AUTS2: variants seen among roughly 807,000 people sequenced by gnomAD.
The protein encoded by AUTS2 is activator of transcription and developmental regulator AUTS2, also known as autism susceptibility gene 2 protein.
In AUTS2, 17 loss-of-function variants were observed where a neutral mutation model predicts 112.4. The ratio of observed to expected loss-of-function variants is 0.15; its 90% CI spans 0.10 to 0.23. AUTS2 has a LOEUF of 0.23. AUTS2 is among the 10% of genes least tolerant of loss of function. AUTS2 has a pLI of 1.00. For missense variants in AUTS2, 1,510 were observed against 1,701.6 expected (o/e 0.89, Z 1.98); for synonymous variants, 751 against 702.7 (o/e 1.07, Z -1.09).
chr7:70,130,272 C>A (rs1457581131), intron 3 of AUTS2, among the ~76,000 whole-genome samples: 1 of 152,118 alleles, frequency 6.6e-6, no homozygotes, highest in Admixed American at 6.6e-5. Context: ...GTAACAGTAG[C>A]CATGGCCTCT....
intron 4 of AUTS2, among the ~76,000 whole-genome samples, chr7:70,220,757 T>C (rs765542658): frequency 5.3e-5 from 8 of 152,172 alleles, no homozygotes; most frequent in Non-Finnish European, 7.3e-5. Context: ...ATGGCGAAAA[T>C]GTCAACCATG....
chr7:69,627,289 G>C (rs1793998174), intron 1 of AUTS2, among the ~76,000 whole-genome samples: 2 of 152,050 alleles, frequency 1.3e-5, no homozygotes, highest in African/African-American at 2.4e-5. Flanking sequence ...GTTGGGAGTT[G>C]AAAACCAGCC....
At position 70,578,110 on chromosome 7, in the gene AUTS2, G is replaced by A. The variant is rs530758013; in HGVS notation, c.691-120459G>A. On this transcript the variant is annotated intron_variant, in intron 5 of 18. Transcript: ENST00000342771. The stretch of plus-strand genomic sequence containing the variant: ...CTCTCAAAGTGCTGGGATTACAGGC[G>A]TGAGCCACCGCACCTGGCCTTTTGT... Among the ~76,000 whole-genome samples, 10 of 152,312 alleles carry A rather than the reference G, an allele frequency of 6.6e-5. No individual in the cohort carries two copies. In the South Asian group the frequency reaches 2.1e-3, roughly 32 times the overall value.
intron 2 of AUTS2, among the ~76,000 whole-genome samples, chr7:69,954,553 C>T (rs998441528): frequency 3.3e-5 from 5 of 152,224 alleles, no homozygotes; most frequent in African/African-American, 4.8e-5. Context: ...AAGTGATTCT[C>T]CTGCCTTGGC....
rs1010775731 is a variant in AUTS2, at chr7:70,338,006, G to A, written c.661-97746G>A. On this transcript the variant is annotated intron_variant, in intron 4 of 18. Transcript: ENST00000342771. ...GACCAGCTACCTCTTCTAGGATAAA[G>A]GGTTAATATTATGCTTATGTTACAG... Among the ~76,000 whole-genome samples, 9 of 152,254 alleles carry A rather than the reference G, an allele frequency of 5.9e-5. No homozygotes were observed. In the East Asian group the frequency reaches 1.7e-3, roughly 29 times the overall value.
At chr7:70,707,650 C>T (rs572104317) in intron 6 of AUTS2, among the ~76,000 whole-genome samples, 2 of 152,174 alleles carry the variant, frequency 1.3e-5, no homozygotes, top group South Asian at 4.2e-4. Context: ...AACATAAGGT[C>T]CCGGAGGTTC....
intron 1 of AUTS2, among the ~76,000 whole-genome samples, chr7:69,796,202 G>T (rs931065704): frequency 6.6e-6 from 1 of 152,190 alleles, no homozygotes; most frequent in African/African-American, 2.4e-5. Flanking sequence ...ATTGAAGACG[G>T]ATGGAGTGGA....
At chr7:70,573,231 T>C (rs1802024118) in intron 5 of AUTS2, among the ~76,000 whole-genome samples, 1 of 152,202 alleles carries the variant, frequency 6.6e-6, no homozygotes, top group Non-Finnish European at 1.5e-5. Flanking sequence ...AACAAGTATC[T>C]CATTACAGAA....
intron 2 of AUTS2, among the ~76,000 whole-genome samples, chr7:70,090,193 A>G (rs577141220): frequency 1.3e-4 from 19 of 151,576 alleles, no homozygotes; most frequent in Non-Finnish European, 2.5e-4. Flanking sequence ...TTATACCTTC[A>G]AGTGATATAC....
At chr7:70,600,438 G>A (rs1803419273) in intron 5 of AUTS2, among the ~76,000 whole-genome samples, 1 of 152,164 alleles carries the variant, frequency 6.6e-6, no homozygotes, top group South Asian at 2.1e-4. Context: ...ACCACTCCTG[G>A]CTAATTTTTG....
intron 1 of AUTS2, among the ~76,000 whole-genome samples, chr7:69,884,257 G>A (rs1262862490): frequency 1.3e-5 from 2 of 152,170 alleles, no homozygotes; most frequent in African/African-American, 2.4e-5. Flanking sequence ...CTAAAATGCA[G>A]CTTCTTAAAA....
chr7:70,716,369 C>T (rs766281198), intron 6 of AUTS2, among the ~76,000 whole-genome samples: 1 of 152,162 alleles, frequency 6.6e-6, no homozygotes, highest in African/African-American at 2.4e-5. Context: ...CACAGTGGCT[C>T]ATGCCTGTAA....
intron 2 of AUTS2, among the ~76,000 whole-genome samples, chr7:70,071,110 T>C (rs1484673876): frequency 6.6e-6 from 1 of 152,240 alleles, no homozygotes; most frequent in Admixed American, 6.5e-5. Flanking sequence ...ATTCACTGTT[T>C]TGTTTAAATG....
At chr7:70,775,000 C>T (rs534766983) in intron 12 of AUTS2, 1 of 262,704 alleles carries the variant, frequency 3.8e-6, no homozygotes, top group Non-Finnish European at 7.1e-6. Flanking sequence ...GCTTTAAAAG[C>T]CAGGGGTCTG....
chr7:70,003,750 TTA>T (rs1210589740), intron 2 of AUTS2, among the ~76,000 whole-genome samples: 1 of 124,720 alleles, frequency 8.0e-6, no homozygotes, highest in African/African-American at 3.2e-5. Flanking sequence ...TATGAATGTG[TTA>T]TATATGAATA....
chr7:70,239,986 G>C (rs562375269), intron 4 of AUTS2, among the ~76,000 whole-genome samples: 1 of 152,208 alleles, frequency 6.6e-6, no homozygotes, highest in South Asian at 2.1e-4. Flanking sequence ...GGGCCAGATG[G>C]GATCAGTGAC....
At chr7:70,267,501 A>G (rs1329667124) in intron 4 of AUTS2, among the ~76,000 whole-genome samples, 1 of 152,188 alleles carries the variant, frequency 6.6e-6, no homozygotes, top group Non-Finnish European at 1.5e-5. Context: ...ACACGATAAT[A>G]GGACATGAAT....
At chr7:70,073,184 G>GAT (rs1802869258) in intron 2 of AUTS2, among the ~76,000 whole-genome samples, 1 of 151,002 alleles carries the variant, frequency 6.6e-6, no homozygotes, top group South Asian at 2.1e-4. Context: ...GTTCTAGCCA[G>GAT]ATGAACAGAA....
chr7:70,299,450 C>T (rs1308831566), intron 4 of AUTS2, among the ~76,000 whole-genome samples: 1 of 152,204 alleles, frequency 6.6e-6, no homozygotes, highest in Non-Finnish European at 1.5e-5. Flanking sequence ...CTTCTCATTT[C>T]TCTCTATTCC....
Sources: gnomAD v4.1 joint callset for allele counts (sites outside exome capture counted in the v4.1 genomes callset) on GRCh38, gnomAD v4.1.1 for gene constraint, MANE v1.5 for transcripts, NCBI Gene and HGNC (gene_info 2026-07-23, HGNC 2026-07-21) for gene names.